EEIG1: variants seen among roughly 807,000 people sequenced by gnomAD.
EEIG1 encodes the protein early estrogen-induced gene 1 protein.
the EEIG1 span, among the ~76,000 whole-genome samples, chr9:127,967,371 C>T: frequency 6.6e-6 from 1 of 152,204 alleles, no homozygotes; most frequent in East Asian, 1.9e-4. Context: ...CAGCCCATTA[C>T]CCCATCGCAG....
At chr9:127,948,319 G>A in the EEIG1 span, 6 of 1,612,198 alleles carry the variant, frequency 3.7e-6, no homozygotes. Flanking sequence ...CACCCCTAGT[G>A]CCCGGGACTG....
the EEIG1 span, among the ~76,000 whole-genome samples, chr9:127,960,735 C>T: frequency 1.4e-3 from 215 of 152,196 alleles, 1 homozygote; most frequent in African/African-American, 5.1e-3. Flanking sequence ...GCTGTGGGAA[C>T]GCCAGCCAGG....
At chr9:127,966,442 C>G in the EEIG1 span, among the ~76,000 whole-genome samples, 1 of 143,906 alleles carries the variant, frequency 6.9e-6, no homozygotes, top group African/African-American at 2.5e-5. Context: ...ACCCCATCTC[C>G]GAAAAAAAAA....
the EEIG1 span, among the ~76,000 whole-genome samples, chr9:127,947,037 T>C: frequency 6.6e-6 from 1 of 152,102 alleles, no homozygotes; most frequent in South Asian, 2.1e-4. Context: ...CTCCTCCTAA[T>C]TGCCACACCA....
the EEIG1 span, chr9:127,944,075 G>A: frequency 6.4e-6 from 1 of 157,150 alleles, no homozygotes; most frequent in African/African-American, 2.4e-5. Context: ...TGCTCCAAAT[G>A]AATGTCTGTG....
the EEIG1 span, among the ~76,000 whole-genome samples, chr9:127,958,600 G>C: frequency 6.6e-6 from 1 of 151,954 alleles, no homozygotes; most frequent in Non-Finnish European, 1.5e-5. Flanking sequence ...AGGAGTTTGA[G>C]GTTACAGTGA....
the EEIG1 span, chr9:127,943,340 A>G: frequency 8.6e-7 from 1 of 1,156,436 alleles, no homozygotes. Flanking sequence ...GGTACTGTTA[A>G]CCAGCCCTGT....
At chr9:127,967,249 C>T in the EEIG1 span, among the ~76,000 whole-genome samples, 1 of 152,142 alleles carries the variant, frequency 6.6e-6, no homozygotes, top group Non-Finnish European at 1.5e-5. Context: ...CTCTGCAGAA[C>T]TTCCAAAGAT....
chr9:127,943,384 G>A, the EEIG1 span: 3 of 724,408 alleles, frequency 4.1e-6, no homozygotes, highest in Non-Finnish European at 7.3e-6. Flanking sequence ...CCCCAGCGAT[G>A]GTAAGTCCCT....
chr9:127,948,846 G>A, the EEIG1 span, among the ~76,000 whole-genome samples: 2 of 152,210 alleles, frequency 1.3e-5, no homozygotes, highest in African/African-American at 4.8e-5. Context: ...TGGTGGGCAG[G>A]GTTTGGTGAA....
At chr9:127,976,691 T>G in the EEIG1 span, among the ~76,000 whole-genome samples, 2 of 152,140 alleles carry the variant, frequency 1.3e-5, no homozygotes, top group South Asian at 4.1e-4. The surrounding 1 kb of genome is among the most constrained non-coding windows in gnomAD (Gnocchi z 4.1). Context: ...TCAAATTGGG[T>G]CAGGCGAGCG....
chr9:127,947,981 G>T, the EEIG1 span: 1 of 1,430,400 alleles, frequency 7.0e-7, no homozygotes, highest in Non-Finnish European at 9.5e-7. Flanking sequence ...TCTCCCCTCA[G>T]TCAGCGTCTC....
the EEIG1 span, among the ~76,000 whole-genome samples, chr9:127,970,772 C>T: frequency 6.6e-6 from 1 of 152,198 alleles, no homozygotes; most frequent in East Asian, 1.9e-4. Flanking sequence ...GCCAGCCAGC[C>T]CCTCTTTCCC....
At chr9:127,957,176 C>T in the EEIG1 span, among the ~76,000 whole-genome samples, 1 of 151,984 alleles carries the variant, frequency 6.6e-6, no homozygotes, top group Non-Finnish European at 1.5e-5. Flanking sequence ...TTGCAGTGAG[C>T]CAAGATCAAA....
At chr9:127,946,530 G>A in the EEIG1 span, among the ~76,000 whole-genome samples, 8 of 152,220 alleles carry the variant, frequency 5.3e-5, no homozygotes, top group East Asian at 1.5e-3. Flanking sequence ...CTGCATATGG[G>A]GGGAGGCCAG....
the EEIG1 span, among the ~76,000 whole-genome samples, chr9:127,977,367 C>T: frequency 3.9e-5 from 6 of 152,244 alleles, no homozygotes; most frequent in Non-Finnish European, 5.9e-5. Flanking sequence ...CCCACACTTT[C>T]CCTAATGGGG....
the EEIG1 span, among the ~76,000 whole-genome samples, chr9:127,961,620 A>G: frequency 1.3e-5 from 2 of 152,220 alleles, no homozygotes; most frequent in Non-Finnish European, 2.9e-5. Context: ...AACCAGGCAA[A>G]TGCATACCAG....
the EEIG1 span, among the ~76,000 whole-genome samples, chr9:127,974,752 T>C: frequency 3.9e-5 from 6 of 152,170 alleles, no homozygotes; most frequent in Admixed American, 1.3e-4. Context: ...CCCACCTAGC[T>C]GGCAGCTCCA....
chr9:127,964,670 G>A, the EEIG1 span, among the ~76,000 whole-genome samples: 9 of 152,324 alleles, frequency 5.9e-5, no homozygotes, highest in East Asian at 9.6e-4. Context: ...TCAACACTTC[G>A]CCTTCCCAGT....
Sources: gnomAD v4.1 joint callset for allele counts (sites outside exome capture counted in the v4.1 genomes callset) on GRCh38, gnomAD v4.1.1 for gene constraint, Gnocchi (gnomAD v3.1) non-coding constraint, MANE v1.5 for transcripts, NCBI Gene and HGNC (gene_info 2026-07-23, HGNC 2026-07-21) for gene names.